Variants in RYR2 observed in about 807,000 individuals in gnomAD.
RYR2 encodes cardiac muscle ryanodine receptor-calcium release channel.
A neutral mutation model predicts 601.1 loss-of-function variants in RYR2; 227 were observed. That is an observed-to-expected ratio of 0.38 (90% CI 0.34 to 0.42). The LOEUF (loss-of-function observed/expected upper bound fraction) is 0.42. Among genes scored for constraint, RYR2 ranks in the 10% least tolerant of loss-of-function variants. RYR2 has a pLI of 1.00. For missense variants in RYR2, 4,646 were observed against 6,156.5 expected (o/e 0.75, Z 8.21); for synonymous variants, 2,223 against 2,175.1 (o/e 1.02, Z -0.61).
chr1:237,529,467 T>C (rs1667903516), intron 24 of RYR2, among the ~76,000 whole-genome samples: 1 of 152,134 alleles, frequency 6.6e-6, no homozygotes, highest in South Asian at 2.1e-4. Flanking sequence ...GATACTTGTC[T>C]ATATGGAAAT....
At chr1:237,687,390 C>G in intron 62 of RYR2, 65 bp from the exon 63 acceptor site, 3 of 267,804 alleles carry the variant, frequency 1.1e-5, no homozygotes, top group East Asian at 6.4e-5. Flanking sequence ...TTTTTAATTT[C>G]CCCCTGTCTT....
At chr1:237,762,913 T>G (rs2149283411) in intron 84 of RYR2, among the ~76,000 whole-genome samples, 1 of 152,316 alleles carries the variant, frequency 6.6e-6, no homozygotes, top group Non-Finnish European at 1.5e-5. Context: ...ATGAGCGTGG[T>G]AATTATTAAA....
chr1:237,191,639 C>T (rs1421211), intron 1 of RYR2, among the ~76,000 whole-genome samples: 27,445 of 152,044 alleles, frequency 0.18, 4,036 homozygotes, highest in African/African-American at 0.41. Context: ...ACAATCAAAC[C>T]GTGCAGTGCA....
At chr1:237,314,135 G>C (rs143861322) in intron 2 of RYR2, among the ~76,000 whole-genome samples, 2,656 of 136,698 alleles carry the variant, frequency 0.019, 51 homozygotes, top group South Asian at 0.068. Flanking sequence ...CACAATCTCA[G>C]CTCACTGCAA....
rs1658463987 is a variant in RYR2, at chr1:237,792,243, A to G, written c.13702A>G (p.Met4568Val). The change falls in exon 94 of 105, where the codon ATG becomes GTG. Residue 4568 changes from methionine to valine, a missense_variant. Physicochemically the swap from Met to Val is conservative, Grantham distance 21 (BLOSUM62 1). Coordinates refer to ENST00000366574, the MANE Select transcript of RYR2 (RefSeq NM_001035.3). Reference sequence around the variant, plus strand: ...TGTACTAGAGGAGAGCAGCGGCTACATGGAGCCCACGTTGCGTATCTTAGC... The same window carrying G: ...TGTACTAGAGGAGAGCAGCGGCTACGTGGAGCCCACGTTGCGTATCTTAGC... The part of the protein sequence containing the change: ...HYVLEESSGY[M>V]EPTLRILAIL... 6.2e-7 allele frequency: 1 copy of G among 1,613,828 alleles called. No homozygotes were observed. Among genetic ancestry groups the G allele is most frequent in the South Asian group, 1.1e-5 (1 of 91,084 alleles).
intron 11 of RYR2, 29 bp from the exon 12 acceptor site, chr1:237,423,063 T>A (rs773000633): frequency 6.3e-7 from 1 of 1,596,900 alleles, no homozygotes; most frequent in Non-Finnish European, 8.5e-7. Flanking sequence ...GTGGGTGCTA[T>A]TGGATCAAGT....
rs1663593389 is a variant in RYR2 at position 237,493,072 on chromosome 1, T to C, written c.1946T>C (p.Val649Ala). 1 of 1,613,694 alleles carries C rather than the reference T, an allele frequency of 6.2e-7. No homozygotes were observed. The highest frequency in any genetic ancestry group is 1.3e-5 in the African/African-American group (1 of 75,060). ...GRDLLLQTRL[V>A]NHVSSMRPNI... is the part of the protein sequence containing the mutation. ...GACTTGTTATTGCAGACACGTCTTG[T>C]GAACCATGTCAGCAGGTAAATTCAG... Residue 649 changes from valine to alanine, a missense_variant, in exon 19 of 105, where the codon GTG becomes GCG. Val to Ala is a moderately conservative substitution (Grantham distance 64). This residue lies in a region of RYR2 where 1,807 missense variants were observed against 2,088.1 expected (regional missense o/e 0.87). Transcript: ENST00000366574.
chr1:237,698,105 AGTGTGTGTGTGTGTGTGTGTGTGT>A (rs3999833), intron 63 of RYR2, among the ~76,000 whole-genome samples: 1 of 140,054 alleles, frequency 7.1e-6, no homozygotes, highest in African/African-American at 2.7e-5. Flanking sequence ...AGGAGATGAT[AGTGTGTGTGTGTGTGTGTGTGTGT>A]GTGTGTGTGT....
intron 2 of RYR2, among the ~76,000 whole-genome samples, chr1:237,313,872 A>G (rs1361466276): frequency 6.7e-6 from 1 of 149,218 alleles, no homozygotes; most frequent in African/African-American, 2.5e-5. Context: ...TCACTCACTC[A>G]CTTGCTGGCT....
chr1:237,594,885 G>GGTTTTTTTTGTTT (rs773047111), intron 33 of RYR2, among the ~76,000 whole-genome samples: 2 of 79,048 alleles, frequency 2.5e-5, no homozygotes, highest in East Asian at 4.7e-4. Flanking sequence ...AATATCACTG[G>GGTTTTTTTTGTTT]GTTTTTTTTT....
At position 237,646,045 on chromosome 1, in the gene RYR2, TC is replaced by T. The variant is rs1210267891; in HGVS notation, c.7343-2398del. 2.6e-5 allele frequency among the ~76,000 whole-genome samples: 4 copies of T among 151,894 alleles called. No homozygotes were observed. In the South Asian group the frequency reaches 6.3e-4, roughly 24 times the overall value. On this transcript the variant is annotated intron_variant, in intron 48 of 104. Coordinates refer to ENST00000366574, the MANE Select transcript of RYR2 (RefSeq NM_001035.3). Reference sequence around the variant, plus strand: ...GCGCCCGCCACTATGCCCGGCTAATTCTTTTGTATTTTTCGTAGACACGGGG... The same window carrying T: ...GCGCCCGCCACTATGCCCGGCTAATTTTTTGTATTTTTCGTAGACACGGGG...
At chr1:237,803,873 T>G (rs1660299393) in intron 98 of RYR2, among the ~76,000 whole-genome samples, 2 of 152,184 alleles carry the variant, frequency 1.3e-5, no homozygotes, top group Non-Finnish European at 2.9e-5. Context: ...CCACTTTTGC[T>G]GCTTTTTTTG....
At chr1:237,355,885 A>G in intron 3 of RYR2, 80 bp from the exon 4 acceptor site, 1 of 1,255,756 alleles carries the variant, frequency 8.0e-7, no homozygotes. Flanking sequence ...AATTGATATC[A>G]ATTCATTTAA....
intron 1 of RYR2, among the ~76,000 whole-genome samples, chr1:237,148,328 G>A (rs571384315): frequency 3.1e-4 from 47 of 151,740 alleles, no homozygotes; most frequent in Admixed American, 1.4e-3. Flanking sequence ...CACAGTGAGG[G>A]GAACATCACA....
rs1007431516 is a variant in RYR2, at chr1:237,549,129, G to A, written c.3066+539G>A. ...AGGGGTAAAGGCCATAAACAGCCTC[G>A]CATCAGTTCAGGTTTCACCACTGAG... On this transcript the variant is annotated intron_variant, in intron 26 of 104. Transcript: ENST00000366574. Among the ~76,000 whole-genome samples, 3 of 152,162 alleles carry A rather than the reference G, an allele frequency of 2.0e-5. No homozygotes were observed. The East Asian group carries it at 5.8e-4, about 29-fold the overall frequency.
At chr1:237,252,497 G>GT (rs1411953497) in intron 1 of RYR2, among the ~76,000 whole-genome samples, 1 of 152,062 alleles carries the variant, frequency 6.6e-6, no homozygotes, top group Non-Finnish European at 1.5e-5. Flanking sequence ...ATTACATTTT[G>GT]TAACTATTCA....
intron 67 of RYR2, among the ~76,000 whole-genome samples, chr1:237,706,164 G>A (rs1197492022): frequency 6.6e-6 from 1 of 152,206 alleles, no homozygotes; most frequent in Non-Finnish European, 1.5e-5. Context: ...CATGAGAATC[G>A]CTTGAACTGG....
chr1:237,731,935 G>A, intron 77 of RYR2, 111 bp from the exon 78 acceptor site: 2 of 540,758 alleles, frequency 3.7e-6, no homozygotes, highest in Non-Finnish European at 6.6e-6. Context: ...AACAGGGAAG[G>A]AGGAACGTTC....
intron 24 of RYR2, among the ~76,000 whole-genome samples, chr1:237,524,665 T>C (rs1373769550): frequency 6.6e-6 from 1 of 152,124 alleles, no homozygotes; most frequent in African/African-American, 2.4e-5. Context: ...ATCAGGGTTC[T>C]TGAGATAAAC....
Sources: allele counts gnomAD v4.1 joint callset (sites outside exome capture counted in the v4.1 genomes callset), GRCh38; gene constraint gnomAD v4.1.1; regional missense constraint gnomAD v4.1.1; transcripts MANE v1.5; gene names NCBI Gene and HGNC (gene_info 2026-07-23, HGNC 2026-07-21).